The following SUPT3H variants were observed in gnomAD, a reference collection of about 807,000 sequenced individuals.
The protein encoded by SUPT3H is transcription initiation protein SPT3 homolog.
A neutral mutation model predicts 44.3 loss-of-function variants in SUPT3H; 44 were observed. The ratio of observed to expected loss-of-function variants is 0.99; its 90% CI spans 0.78 to 1.28. The LOEUF is 1.28. Among genes scored for constraint, SUPT3H ranks in the 50% most tolerant of loss-of-function variants. The probability of loss-of-function intolerance (pLI) is 0.00; values close to 1 mark genes in which losing one functional copy is unlikely to be tolerated. For synonymous variants in SUPT3H, 124 were observed against 125.6 expected (o/e 0.99, Z 0.09); for missense variants, 380 against 387.1 (o/e 0.98, Z 0.15).
intron 2 of SUPT3H, among the ~76,000 whole-genome samples, chr6:45,261,798 T>C (rs1187978436): frequency 6.6e-6 from 1 of 152,064 alleles, no homozygotes; most frequent in East Asian, 1.9e-4. Flanking sequence ...CTATCTCTCT[T>C]CAAAAATGAT....
chr6:45,062,961 A>G (rs549758884), intron 3 of SUPT3H, among the ~76,000 whole-genome samples: 42 of 151,956 alleles, frequency 2.8e-4, no homozygotes, highest in African/African-American at 9.5e-4. Flanking sequence ...AGCCCACCAC[A>G]GCTCAAGGAG....
At chr6:45,069,931 C>T (rs1487024640) in intron 3 of SUPT3H, among the ~76,000 whole-genome samples, 2 of 152,066 alleles carry the variant, frequency 1.3e-5, no homozygotes, top group Non-Finnish European at 2.9e-5. Context: ...CCAACAGCTG[C>T]GGGTAGCAGC....
chr6:44,862,423 T>C (rs1774799338), intron 10 of SUPT3H, among the ~76,000 whole-genome samples: 1 of 152,050 alleles, frequency 6.6e-6, no homozygotes, highest in Admixed American at 6.6e-5. Context: ...ACACCTGTAA[T>C]TCCAGCATTT....
intron 2 of SUPT3H, among the ~76,000 whole-genome samples, chr6:45,129,866 G>T (rs2153583506): frequency 6.6e-6 from 1 of 151,920 alleles, no homozygotes; most frequent in South Asian, 2.1e-4. Flanking sequence ...GAAGACTGCA[G>T]GAGAAAAATA....
rs768476513 is a variant in SUPT3H, at chr6:44,961,810, G to C, written c.523C>G (p.Arg175Gly). 2 of 1,606,726 alleles carry C rather than the reference G, an allele frequency of 1.2e-6. No homozygotes were observed. Among genetic ancestry groups the C allele is most frequent in the Non-Finnish European group, 1.7e-6 (2 of 1,177,566 alleles). ...GCATATTGAGCTGAATCCATAATTCGAGTTTGTCTTTCTGCTCTCTAAAAG... is the reference window on the plus strand; with the variant it reads ...GCATATTGAGCTGAATCCATAATTCCAGTTTGTCTTTCTGCTCTCTAAAAG... ...ERMERAERQT[R>G]IMDSAQYAEF... Residue 175 changes from arginine to glycine, a missense_variant, in exon 7 of 11, where the codon CGA becomes GGA. Physicochemically the swap from Arg to Gly is moderately radical, Grantham distance 125 (BLOSUM62 -2). Coordinates refer to ENST00000371459, the MANE Select transcript of SUPT3H (RefSeq NM_003599.4).
chr6:45,269,590 C>T (rs1420213599), intron 2 of SUPT3H, among the ~76,000 whole-genome samples: 1 of 152,138 alleles, frequency 6.6e-6, no homozygotes, highest in Non-Finnish European at 1.5e-5. Flanking sequence ...AAAGACAATT[C>T]CCTCTACAGA....
intron 5 of SUPT3H, among the ~76,000 whole-genome samples, chr6:45,009,642 TCATTC>T (rs1783194671): frequency 6.6e-6 from 1 of 152,194 alleles, no homozygotes; most frequent in African/African-American, 2.4e-5. Flanking sequence ...TACTGAACTC[TCATTC>T]CATTCCATTT....
intron 2 of SUPT3H, among the ~76,000 whole-genome samples, chr6:45,141,478 A>G (rs1048437295): frequency 2.0e-5 from 3 of 151,862 alleles, no homozygotes; most frequent in Admixed American, 2.0e-4. Context: ...AAAATGATCC[A>G]GAGAAATAGG....
intron 2 of SUPT3H, among the ~76,000 whole-genome samples, chr6:45,150,753 C>G (rs1583852037): frequency 8.3e-6 from 1 of 120,042 alleles, no homozygotes; most frequent in East Asian, 2.8e-4. Context: ...GATGGAGTCT[C>G]ACTCTGTCGC....
intron 6 of SUPT3H, among the ~76,000 whole-genome samples, chr6:44,970,694 T>C (rs973451936): frequency 6.6e-6 from 1 of 152,160 alleles, no homozygotes; most frequent in Non-Finnish European, 1.5e-5. Flanking sequence ...GAGGTTTACA[T>C]AATATCTAGA....
chr6:44,989,291 C>T (rs1780275096), intron 6 of SUPT3H, among the ~76,000 whole-genome samples: 1 of 152,074 alleles, frequency 6.6e-6, no homozygotes, highest in Non-Finnish European at 1.5e-5. Flanking sequence ...TAGGTTCATT[C>T]ATGTAGTCAC....
At chr6:45,018,107 A>C (rs1456517494) in intron 4 of SUPT3H, among the ~76,000 whole-genome samples, 1 of 151,726 alleles carries the variant, frequency 6.6e-6, no homozygotes, top group African/African-American at 2.4e-5. Flanking sequence ...TCTTTGAAGC[A>C]ATTGTGAATG....
chr6:45,174,568 G>A (rs1278856526), intron 2 of SUPT3H, among the ~76,000 whole-genome samples: 2 of 152,126 alleles, frequency 1.3e-5, no homozygotes, highest in Non-Finnish European at 2.9e-5. Flanking sequence ...AGCCATAATG[G>A]TGCACAATGC....
intron 10 of SUPT3H, among the ~76,000 whole-genome samples, chr6:44,864,708 C>T (rs1775210123): frequency 6.6e-6 from 1 of 152,148 alleles, no homozygotes; most frequent in East Asian, 1.9e-4. Context: ...GCACCAAGTC[C>T]CTAGGCTGCA....
chr6:44,885,947 G>A (rs938153093), intron 10 of SUPT3H, among the ~76,000 whole-genome samples: 1 of 152,162 alleles, frequency 6.6e-6, no homozygotes, highest in Non-Finnish European at 1.5e-5. Context: ...GAAAGCCAAG[G>A]CATGAGAACT....
chr6:44,841,256 G>T (rs1431046979), intron 10 of SUPT3H, among the ~76,000 whole-genome samples: 1 of 152,116 alleles, frequency 6.6e-6, no homozygotes, highest in African/African-American at 2.4e-5. Context: ...TTTAAACCCT[G>T]TTTTAGCCAT....
chr6:44,900,470 G>T (rs1377053579), intron 10 of SUPT3H, among the ~76,000 whole-genome samples: 1 of 152,242 alleles, frequency 6.6e-6, no homozygotes, highest in Non-Finnish European at 1.5e-5. Context: ...CAGCAAGGCT[G>T]GGGGAGGGGC....
rs970829489 is a variant in SUPT3H at position 44,911,274 on chromosome 6, C to T, written c.912+21379G>A. 1.4e-4 allele frequency among the ~76,000 whole-genome samples: 17 copies of T among 122,032 alleles called. 1 individual carries two copies. The highest frequency in any genetic ancestry group is 1.2e-3 in the Admixed American group (15 of 12,588). 80.1% of individuals were successfully genotyped at this position (122,032 alleles called of 152,430 possible). A position where few individuals can be genotyped will look rare whatever the true frequency, so the allele number is the denominator to read the frequency against. Reference sequence around the variant, plus strand: ...ACTTAAATTTTTTAGTCAGCATTCCCACCACATGTTTGACAGTGGTTGCAA... The same window carrying T: ...ACTTAAATTTTTTAGTCAGCATTCCTACCACATGTTTGACAGTGGTTGCAA... On this transcript the variant is annotated intron_variant, in intron 10 of 10. Transcript: ENST00000371459.
At position 44,942,134 on chromosome 6, in the gene SUPT3H, T is replaced by G. The variant is rs146438087; in HGVS notation, c.802-9371A>C. ...TCTAAAAACATAAAAAATTAATTTA[T>G]GTATACATATCACTAGGTTAATTAC... On this transcript the variant is annotated intron_variant, in intron 9 of 10. Transcript: ENST00000371459. 9.8e-4 allele frequency among the ~76,000 whole-genome samples: 149 copies of G among 152,314 alleles called. 1 individual carries two copies. The highest frequency in any genetic ancestry group is 9.7e-3 in the South Asian group (47 of 4,828).
Sources: allele counts gnomAD v4.1 joint callset (sites outside exome capture counted in the v4.1 genomes callset), GRCh38; gene constraint gnomAD v4.1.1; transcripts MANE v1.5; gene names NCBI Gene and HGNC (gene_info 2026-07-23, HGNC 2026-07-21).